The following SLC7A8 variants were observed in gnomAD, a reference collection of about 807,000 sequenced individuals.
SLC7A8 encodes large neutral amino acids transporter small subunit 2.
SLC7A8 carries 30 observed loss-of-function variants against 51.2 expected under a neutral mutation model. That is an observed-to-expected ratio of 0.59 (90% confidence interval 0.44 to 0.80). The LOEUF (loss-of-function observed/expected upper bound fraction) is 0.80, where lower values mean the gene tolerates loss of function less well. Among genes scored for constraint, SLC7A8 ranks in the 30% least tolerant of loss-of-function variants. The pLI, the probability that SLC7A8 is intolerant of heterozygous loss-of-function variation, is 0.00. For missense variants in SLC7A8, 612 were observed against 674.4 expected (o/e 0.91, Z 1.03); for synonymous variants, 257 against 275.8 (o/e 0.93, Z 0.67).
intron 4 of SLC7A8, among the ~76,000 whole-genome samples, chr14:23,141,481 G>A (rs765829120): frequency 3.3e-5 from 5 of 152,078 alleles, no homozygotes; most frequent in Admixed American, 1.3e-4. Context: ...ACGGAGTCTC[G>A]CTCTGTCGCC....
At chr14:23,134,957 A>G (rs1011259405) in intron 7 of SLC7A8, among the ~76,000 whole-genome samples, 1 of 152,170 alleles carries the variant, frequency 6.6e-6, no homozygotes, top group Non-Finnish European at 1.5e-5. Flanking sequence ...TGTAGTGACA[A>G]GGTCTTGCCT....
At chr14:23,133,764 C>T (rs1855559502) in intron 7 of SLC7A8, among the ~76,000 whole-genome samples, 1 of 151,856 alleles carries the variant, frequency 6.6e-6, no homozygotes, top group Non-Finnish European at 1.5e-5. Context: ...GTGGAGGTTG[C>T]AGTGAGCAGA....
intron 7 of SLC7A8, among the ~76,000 whole-genome samples, chr14:23,133,007 C>T (rs1444809079): frequency 6.6e-6 from 1 of 152,040 alleles, no homozygotes; most frequent in Non-Finnish European, 1.5e-5. Context: ...TCGAACTGGG[C>T]TCTAATGATC....
chr14:23,132,529 C>T (rs921425453), intron 7 of SLC7A8, among the ~76,000 whole-genome samples: 2 of 151,640 alleles, frequency 1.3e-5, no homozygotes, highest in Non-Finnish European at 2.9e-5. Context: ...CCAGCCTAGG[C>T]AACATAGTGA....
At chr14:23,142,633 T>C (rs2048755737) in intron 4 of SLC7A8, among the ~76,000 whole-genome samples, 1 of 152,198 alleles carries the variant, frequency 6.6e-6, no homozygotes, top group Non-Finnish European at 1.5e-5. Flanking sequence ...CCAGAGTAAG[T>C]GAGACCACAG....
chr14:23,171,490 G>C (rs546497267), intron 1 of SLC7A8, among the ~76,000 whole-genome samples: 5 of 152,296 alleles, frequency 3.3e-5, no homozygotes, highest in African/African-American at 1.2e-4. Context: ...GTCCACACGA[G>C]AATGTTACAG....
At chr14:23,179,305 T>G (rs1282829949) in intron 1 of SLC7A8, among the ~76,000 whole-genome samples, 1 of 152,214 alleles carries the variant, frequency 6.6e-6, no homozygotes, top group Non-Finnish European at 1.5e-5. Context: ...CCAATCAGGA[T>G]ATAAGGAACT....
In SLC7A8 at chr14:23,128,190, G is replaced by C; in HGVS notation, c.1270C>G (p.Leu424Val). The change falls in exon 10 of 11, where the codon CTG (leucine) becomes GTG (valine). Residue 424 changes from leucine (L) to valine (V), a missense_variant. Transcript: ENST00000316902. This position sits in a 1 kb window ranked among gnomAD's most constrained non-coding sequence, Gnocchi z 4.3. ...AGCAAGTAGATGATGGGGAACAGCA[G>C]GTTGATCTGTGGAGCAGAGGCATGA... ...PDIPRPIKINLLFPIIYLLFW... is the reference protein window; with the variant it reads ...PDIPRPIKINVLFPIIYLLFW... The C allele has an allele frequency of 6.2e-7, 1 of 1,614,138 alleles. No individual in the cohort carries two copies. Among genetic ancestry groups the C allele is most frequent in the South Asian group, 1.1e-5 (1 of 91,072 alleles).
chr14:23,147,758 T>C (rs1226815492), intron 3 of SLC7A8, among the ~76,000 whole-genome samples: 1 of 152,192 alleles, frequency 6.6e-6, no homozygotes, highest in African/African-American at 2.4e-5. Flanking sequence ...GGCTGGTTAC[T>C]TAATCCACCC....
chr14:23,163,436 C>A (rs2048934107), intron 3 of SLC7A8, among the ~76,000 whole-genome samples: 2 of 152,204 alleles, frequency 1.3e-5, no homozygotes, highest in South Asian at 2.1e-4. Flanking sequence ...AAGGAATACA[C>A]CCCCAAACAA....
chr14:23,144,913 T>C (rs1353233965), intron 3 of SLC7A8, among the ~76,000 whole-genome samples: 2 of 151,862 alleles, frequency 1.3e-5, no homozygotes, highest in African/African-American at 4.8e-5. Context: ...AATGTTGGGA[T>C]GTATTTCTTT....
intron 3 of SLC7A8, among the ~76,000 whole-genome samples, chr14:23,162,793 G>A (rs1038925399): frequency 6.6e-6 from 1 of 152,184 alleles, no homozygotes; most frequent in Non-Finnish European, 1.5e-5. Flanking sequence ...TTTGGGGAAT[G>A]CAAAGAAAGC....
Position 23,139,550 on chromosome 14 carries a change from G to A in SLC7A8, c.789-3C>T. ...TGAAGATGGCTCTGGGAAGGTTCCT[G>A]TAGAGGGAGAGGAGGTGAGGGGAAG... On this transcript the variant is annotated splice_polypyrimidine_tract_variant and splice_region_variant and intron_variant, in intron 5 of 10. Coordinates refer to ENST00000316902, the MANE Select transcript of SLC7A8 (RefSeq NM_012244.4). 1 of 1,612,560 alleles carries A rather than the reference G, an allele frequency of 6.2e-7. No individual in the cohort carries two copies. The highest frequency in any genetic ancestry group is 8.5e-7 in the Non-Finnish European group (1 of 1,178,938).
intron 1 of SLC7A8, among the ~76,000 whole-genome samples, chr14:23,179,811 G>GA (rs1341003384): frequency 6.7e-6 from 1 of 149,502 alleles, no homozygotes; most frequent in Admixed American, 6.7e-5. Flanking sequence ...CACTGTCTCA[G>GA]AAAAAAAAGA....
In SLC7A8 at chr14:23,143,707, C is replaced by T. The variant is rs965174739; in HGVS notation, c.509-503G>A. On this transcript the variant is annotated intron_variant, in intron 3 of 10. Coordinates refer to ENST00000316902, the MANE Select transcript of SLC7A8 (RefSeq NM_012244.4). The stretch of plus-strand genomic sequence containing the variant: ...AAGTGTACAGTTTGATGAGATTTGA[C>T]AAATGCATTTAATGGCTTAATCACT... Among the ~76,000 whole-genome samples, 8 of 152,196 alleles carry T rather than the reference C, an allele frequency of 5.3e-5. No individual in the cohort carries two copies. The East Asian group carries it at 7.7e-4, about 15-fold the overall frequency.
intron 1 of SLC7A8, among the ~76,000 whole-genome samples, chr14:23,178,885 CAAAAAAAAAAAAAA>C (rs386380884): frequency 1.3e-5 from 1 of 78,756 alleles, no homozygotes; most frequent in Non-Finnish European, 2.4e-5. Context: ...ATCTTGTCTC[CAAAAAAAAAAAAAA>C]AAAAAAAAAA....
intron 1 of SLC7A8, among the ~76,000 whole-genome samples, chr14:23,175,214 G>T (rs1448082734): frequency 1.3e-5 from 2 of 152,058 alleles, no homozygotes; most frequent in African/African-American, 4.8e-5. Flanking sequence ...GTGGTGTTTT[G>T]TGTTTGTTTG....
chr14:23,129,824 A>G, intron 8 of SLC7A8, 25 bp from the exon 9 acceptor site: 1 of 1,612,902 alleles, frequency 6.2e-7, no homozygotes, highest in Non-Finnish European at 8.5e-7. Context: ...GGAGCTCATC[A>G]GTGATCCGAA....
At chr14:23,150,159 C>G (rs1197830435) in intron 3 of SLC7A8, among the ~76,000 whole-genome samples, 1 of 152,148 alleles carries the variant, frequency 6.6e-6, no homozygotes, top group Admixed American at 6.5e-5. Flanking sequence ...TTAGCATAAA[C>G]AAATAAATCT....
Sources: gnomAD v4.1 joint callset for allele counts (sites outside exome capture counted in the v4.1 genomes callset) on GRCh38, gnomAD v4.1.1 for gene constraint, Gnocchi (gnomAD v3.1) non-coding constraint, MANE v1.5 for transcripts, NCBI Gene and HGNC (gene_info 2026-07-23, HGNC 2026-07-21) for gene names.